ASAP1: variants seen among roughly 807,000 people sequenced by gnomAD.
ASAP1 encodes ArfGAP with SH3 domain, ankyrin repeat and PH domain 1, also known as arf-GAP with SH3 domain, ANK repeat and PH domain-containing protein 1.
A neutral mutation model predicts 145.2 loss-of-function variants in ASAP1; 43 were observed. The observed-to-expected ratio is 0.30, with a 90% CI of 0.23 to 0.38. The LOEUF is 0.38. Among genes scored for constraint, ASAP1 ranks in the 10% least tolerant of loss-of-function variants. ASAP1 has a pLI of 1.00. For missense variants in ASAP1, 1,018 were observed against 1,355.3 expected, an observed-to-expected ratio of 0.75 and a Z score of 3.91; for synonymous variants, 546 against 515.5, an observed-to-expected ratio of 1.06 and a Z score of -0.80.
chr8:130,367,605 G>A (rs1200753703), intron 2 of ASAP1, among the ~76,000 whole-genome samples: 1 of 152,118 alleles, frequency 6.6e-6, no homozygotes, highest in Admixed American at 6.5e-5. Flanking sequence ...TTTTCCTTGT[G>A]GTTAAAATCA....
chr8:130,332,866 A>C (rs1824785213), intron 3 of ASAP1, among the ~76,000 whole-genome samples: 1 of 152,152 alleles, frequency 6.6e-6, no homozygotes, highest in South Asian at 2.1e-4. Flanking sequence ...AAAATTTTAG[A>C]AAATATTTCT....
chr8:130,178,076 C>T (rs1814089356), intron 9 of ASAP1, among the ~76,000 whole-genome samples: 1 of 152,142 alleles, frequency 6.6e-6, no homozygotes, highest in Admixed American at 6.5e-5. Flanking sequence ...TAATGCTGAC[C>T]TCCTTAAATG....
chr8:130,440,571 G>C (rs1425168286), intron 1 of ASAP1, among the ~76,000 whole-genome samples: 1 of 151,094 alleles, frequency 6.6e-6, no homozygotes, highest in East Asian at 1.9e-4. Context: ...GCTTCCCTTT[G>C]TACTGGGTGG....
At chr8:130,228,420 G>C (rs953446777) in intron 4 of ASAP1, among the ~76,000 whole-genome samples, 1 of 152,070 alleles carries the variant, frequency 6.6e-6, no homozygotes, top group Non-Finnish European at 1.5e-5. Context: ...TATACACAAT[G>C]GGCCAGGAGC....
intron 15 of ASAP1, among the ~76,000 whole-genome samples, chr8:130,129,124 G>C (rs1295548067): frequency 1.3e-5 from 2 of 152,116 alleles, no homozygotes; most frequent in Admixed American, 6.5e-5. Flanking sequence ...TCTCTCTCCT[G>C]CTGCCATGTG....
chr8:130,441,611 C>T (rs1011542668), intron 1 of ASAP1, among the ~76,000 whole-genome samples: 3 of 152,174 alleles, frequency 2.0e-5, no homozygotes, highest in Non-Finnish European at 4.4e-5. Flanking sequence ...CATGGAGATG[C>T]CAGCTGGGAC....
At chr8:130,250,024 A>T (rs200118972) in intron 3 of ASAP1, among the ~76,000 whole-genome samples, 5 of 152,200 alleles carry the variant, frequency 3.3e-5, no homozygotes, top group Middle Eastern at 6.8e-3. Flanking sequence ...ATTTTAATTT[A>T]AAAAAAAGTA....
At chr8:130,414,287 A>G (rs553472851) in intron 1 of ASAP1, among the ~76,000 whole-genome samples, 1 of 152,300 alleles carries the variant, frequency 6.6e-6, no homozygotes, top group Non-Finnish European at 1.5e-5. Context: ...AAGATAATAA[A>G]TGTGTGTTGT....
intron 3 of ASAP1, among the ~76,000 whole-genome samples, chr8:130,283,450 C>T (rs182429214): frequency 3.3e-5 from 5 of 151,774 alleles, no homozygotes; most frequent in African/African-American, 7.3e-5. Flanking sequence ...TGGTGGCATG[C>T]GCGCCTGTAG....
At chr8:130,134,161 G>A (rs1276920126) in intron 15 of ASAP1, 135 bp downstream of exon 15, 2 of 579,400 alleles carry the variant, frequency 3.5e-6, no homozygotes, top group Non-Finnish European at 5.8e-6. Context: ...ACATGTGATG[G>A]CCCACAGGCG....
chr8:130,399,878 G>A (rs1040048281), intron 2 of ASAP1, among the ~76,000 whole-genome samples: 17 of 147,320 alleles, frequency 1.2e-4, no homozygotes, highest in African/African-American at 4.3e-4. Context: ...GTAGTACAAT[G>A]GCGCAATCTC....
At chr8:130,283,324 T>A (rs1245485065) in intron 3 of ASAP1, among the ~76,000 whole-genome samples, 1 of 152,034 alleles carries the variant, frequency 6.6e-6, no homozygotes, top group Non-Finnish European at 1.5e-5. Context: ...TTCACGCCTG[T>A]AATCCCAGCA....
chr8:130,279,420 T>C (rs1283715834), intron 3 of ASAP1, among the ~76,000 whole-genome samples: 1 of 152,140 alleles, frequency 6.6e-6, no homozygotes, highest in Non-Finnish European at 1.5e-5. Flanking sequence ...CCGCAGTGGA[T>C]GTTAATGGCA....
intron 1 of ASAP1, among the ~76,000 whole-genome samples, chr8:130,417,185 C>T (rs62517738): frequency 2.3e-5 from 2 of 87,014 alleles, no homozygotes; most frequent in African/African-American, 7.3e-5. Context: ...AAACAACCCA[C>T]GTACAACTGC....
chr8:130,431,935 G>A (rs2138785288), intron 1 of ASAP1, among the ~76,000 whole-genome samples: 1 of 131,602 alleles, frequency 7.6e-6, no homozygotes, highest in South Asian at 3.0e-4. Flanking sequence ...GAAGGGAGAG[G>A]AGGAGGAGGA....
rs536800100 is a variant in ASAP1 at position 130,358,727 on chromosome 8, C to T, written c.60-584G>A. Among the ~76,000 whole-genome samples, 4,578 of 139,192 alleles carry T rather than the reference C, an allele frequency of 0.033. 108 individuals carry two copies. Among genetic ancestry groups the T allele is most frequent in the Middle Eastern group, 0.066 (18 of 272 alleles). 91.3% of individuals were successfully genotyped at this position (139,192 alleles called of 152,430 possible). A position where few individuals can be genotyped will look rare whatever the true frequency, so the allele number is the denominator to read the frequency against. ...CCCCCGGTCCCTCCCCGCCCGCGCC[C>T]CGCCCCCGGCCCGGCCCCCGCCCCG... On this transcript the variant is annotated intron_variant, in intron 2 of 29. Transcript: ENST00000518721. This position sits in a 1 kb window ranked among gnomAD's most constrained non-coding sequence, Gnocchi z 4.1.
Position 130,158,349 on chromosome 8 carries a change from A to T in ASAP1, c.1010+1515T>A, listed in dbSNP as rs549996605. 3.8e-3 allele frequency among the ~76,000 whole-genome samples: 302 copies of T among 79,562 alleles called. 1 individual carries two copies. Among genetic ancestry groups the T allele is most frequent in the Middle Eastern group, 0.016 (3 of 186 alleles). The allele number at this position is 79,562 out of a possible 152,430, so 52.2% of individuals were successfully genotyped here. A position where few individuals can be genotyped will look rare whatever the true frequency, so the allele number is the denominator to read the frequency against. On this transcript the variant is annotated intron_variant, in intron 12 of 29. Coordinates refer to ENST00000518721, the MANE Select transcript of ASAP1 (RefSeq NM_018482.4). ...ACAAAGAGGGACCCTGCTTATATTT[A>T]AAAAAAAAAAAAAAAAGTATCCAGG...
At chr8:130,109,381 G>A (rs889857844) in intron 24 of ASAP1, among the ~76,000 whole-genome samples, 1 of 152,086 alleles carries the variant, frequency 6.6e-6, no homozygotes, top group African/African-American at 2.4e-5. Context: ...GAGGCAGCTG[G>A]AGTTTCTTGA....
intron 1 of ASAP1, among the ~76,000 whole-genome samples, chr8:130,409,390 A>G (rs1192276681): frequency 6.6e-6 from 1 of 152,200 alleles, no homozygotes; most frequent in African/African-American, 2.4e-5. Context: ...GCTGGCAAGC[A>G]ACAAGTCCTG....
Sources: allele counts gnomAD v4.1 joint callset (sites outside exome capture counted in the v4.1 genomes callset), GRCh38; gene constraint gnomAD v4.1.1; non-coding constraint Gnocchi (gnomAD v3.1); transcripts MANE v1.5; gene names NCBI Gene and HGNC (gene_info 2026-07-23, HGNC 2026-07-21).